LEF1: variants seen among roughly 807,000 people sequenced by gnomAD.
LEF1 encodes lymphoid enhancer-binding factor 1.
In LEF1, 14 loss-of-function variants were observed where a neutral mutation model predicts 51.2. That is an observed-to-expected ratio of 0.27 (90% CI 0.18 to 0.43). The LOEUF is 0.43. Ranked by LOEUF, LEF1 falls within the 20% of genes least tolerant of loss-of-function variation. LEF1 has a pLI of 1.00. For synonymous variants in LEF1, 185 were observed against 183.2 expected (o/e 1.01, Z -0.08); for missense variants, 386 against 512.0 (o/e 0.75, Z 2.37).
chr4:108,148,336 C>G (rs534339245), intron 3 of LEF1, among the ~76,000 whole-genome samples: 5 of 151,938 alleles, frequency 3.3e-5, no homozygotes, highest in African/African-American at 7.3e-5. Context: ...TCTACACAAC[C>G]CTTTTTAAAC....
intron 3 of LEF1, among the ~76,000 whole-genome samples, chr4:108,147,097 C>T (rs897717783): frequency 6.6e-6 from 1 of 152,038 alleles, no homozygotes; most frequent in Non-Finnish European, 1.5e-5. Flanking sequence ...CATTGCACTC[C>T]AGCCTGGGTT....
At chr4:108,135,069 A>C (rs1315205430) in intron 3 of LEF1, among the ~76,000 whole-genome samples, 2 of 152,216 alleles carry the variant, frequency 1.3e-5, no homozygotes, top group East Asian at 3.8e-4. Context: ...TATAGATTAC[A>C]ATAAAACATT....
At chr4:108,091,213 T>C (rs899710591) in intron 3 of LEF1, among the ~76,000 whole-genome samples, 2 of 152,122 alleles carry the variant, frequency 1.3e-5, no homozygotes, top group African/African-American at 2.4e-5. Context: ...TGTAAGTCCA[T>C]ATCTGAATGG....
Position 108,098,324 on chromosome 4 carries a change from G to A in LEF1, c.415-9067C>T, listed in dbSNP as rs192636712. Among the ~76,000 whole-genome samples the A allele has an allele frequency of 3.9e-4, 59 of 152,230 alleles. 3 individuals are homozygous for A. The East Asian group carries it at 0.011, about 28-fold the overall frequency. On this transcript the variant is annotated intron_variant, in intron 3 of 11. Transcript: ENST00000265165. ...AAATGGACTCTAGATCTCCTGTGGC[G>A]GGGTTGTGGGGGTGGGGTTCGGCAA... is the stretch of plus-strand genomic sequence containing the variant.
Position 108,088,706 on chromosome 4 carries a change from T to C in LEF1, c.547+419A>G, listed in dbSNP as rs553999416. Among the ~76,000 whole-genome samples the C allele has an allele frequency of 1.7e-3, 265 of 152,094 alleles. 1 individual carries two copies. Among genetic ancestry groups the C allele is most frequent in the African/African-American group, 5.7e-3 (236 of 41,500 alleles). Reference sequence around the variant, plus strand: ...GTAAATAACAAAAGATGAAACACCATAGGGATATAATGGAATAACCAAAAG... The same window carrying C: ...GTAAATAACAAAAGATGAAACACCACAGGGATATAATGGAATAACCAAAAG... On this transcript the variant is annotated intron_variant, in intron 4 of 11. Transcript: ENST00000265165.
chr4:108,149,458 C>CAAAAAAAAAAAAAAAAAAAAAAAAAAA (rs371482539), intron 3 of LEF1, among the ~76,000 whole-genome samples: 2 of 60,588 alleles, frequency 3.3e-5, no homozygotes, highest in African/African-American at 7.2e-5. Flanking sequence ...GACTCCGTCT[C>CAAAAAAAAAAAAAAAAAAAAAAAAAAA]AAAAAAAAAA....
In LEF1 at chr4:108,048,696, A is replaced by G; in HGVS notation, c.*62T>C. On this transcript the variant is annotated 3_prime_UTR_variant, in exon 12 of 12. Transcript: ENST00000265165. The stretch of plus-strand genomic sequence containing the variant: ...TTCAACAAGCTTCCATCTCCAGAAG[A>G]GGTCCTGGGGTCGCTGCCTTGGCTT... The G allele has an allele frequency of 6.2e-7, 1 of 1,608,720 alleles. No homozygotes were observed. The highest frequency in any genetic ancestry group is 1.1e-5 in the South Asian group (1 of 90,076).
intron 2 of LEF1, 129 bp downstream of exon 2, chr4:108,164,968 C>T (rs1161094408): frequency 1.4e-6 from 1 of 697,184 alleles, no homozygotes; most frequent in East Asian, 2.6e-5. Context: ...GTTTTCTTTA[C>T]CATTAAAATA....
intron 1 of LEF1, chr4:108,166,532 G>T: frequency 7.7e-7 from 1 of 1,297,158 alleles, no homozygotes; most frequent in Non-Finnish European, 9.8e-7. Flanking sequence ...GGAGTGTCGG[G>T]TATCAGGGTC....
chr4:108,163,639 T>G lies in LEF1; in HGVS notation c.343A>C (p.Ile115Leu), dbSNP rs754959962. The G allele has an allele frequency of 1.1e-4, 170 of 1,613,824 alleles. No homozygotes were observed. The highest frequency in any genetic ancestry group is 1.3e-4 in the Non-Finnish European group (158 of 1,179,844). ...GPSYSSYSGY[I>L]MMPNMNNDPY... ...TCGTTATTCATATTTGGCATCATTA[T>G]GTACCCGGAATAACTCGAGTAGGAG... Residue 115 changes from isoleucine (I) to leucine (L), a missense_variant, in exon 3 of 12, where the codon ATA becomes CTA. This residue lies in a region of LEF1 where 335 missense variants were observed against 390.7 expected (regional missense o/e 0.86). Coordinates refer to ENST00000265165, the MANE Select transcript of LEF1 (RefSeq NM_016269.5).
At chr4:108,125,202 C>T (rs2061531) in intron 3 of LEF1, among the ~76,000 whole-genome samples, 41,244 of 151,966 alleles carry the variant, frequency 0.27, 6,441 homozygotes, top group East Asian at 0.64. Flanking sequence ...CTTGCTCTAT[C>T]GCCCAGGCTG....
intron 3 of LEF1, among the ~76,000 whole-genome samples, chr4:108,146,181 G>T (rs558501097): frequency 6.6e-6 from 1 of 152,196 alleles, no homozygotes; most frequent in Non-Finnish European, 1.5e-5. Context: ...CTTTGTCCAC[G>T]TAGCGACCTT....
At chr4:108,101,316 G>A (rs186019842) in intron 3 of LEF1, among the ~76,000 whole-genome samples, 5 of 152,258 alleles carry the variant, frequency 3.3e-5, no homozygotes, top group East Asian at 3.9e-4. Flanking sequence ...GTATCAGAGC[G>A]CAGTTGTCCA....
intron 9 of LEF1, among the ~76,000 whole-genome samples, chr4:108,069,422 C>T (rs1370299184): frequency 2.0e-5 from 3 of 152,152 alleles, no homozygotes; most frequent in Non-Finnish European, 4.4e-5. Context: ...TCAAATTCTA[C>T]AGTAATAAAA....
intron 8 of LEF1, among the ~76,000 whole-genome samples, chr4:108,077,593 C>T (rs1738964602): frequency 1.1e-5 from 1 of 87,752 alleles, no homozygotes; most frequent in Non-Finnish European, 2.3e-5. Context: ...AAGTGAGGGG[C>T]GCCTCTGCCC....
intron 3 of LEF1, among the ~76,000 whole-genome samples, chr4:108,099,588 A>ATGTGTATATATATATATATATATATGTG (rs1413013273): frequency 1.7e-5 from 1 of 60,400 alleles, no homozygotes; most frequent in African/African-American, 4.0e-5. Context: ...ATATATATAT[A>ATGTGTATATATATATATATATATATGTG]TATATATATA....
intron 11 of LEF1, among the ~76,000 whole-genome samples, chr4:108,060,789 A>C (rs1737630879): frequency 6.6e-6 from 1 of 151,954 alleles, no homozygotes; most frequent in South Asian, 2.1e-4. Flanking sequence ...CATAACAAGC[A>C]CTGTGAGAAT....
intron 3 of LEF1, among the ~76,000 whole-genome samples, chr4:108,090,559 T>C (rs1233183042): frequency 6.6e-6 from 1 of 152,194 alleles, no homozygotes; most frequent in Admixed American, 6.5e-5. Flanking sequence ...ATCACTTATT[T>C]ATTTATTATT....
At chr4:108,064,422 T>C in intron 9 of LEF1, 38 bp from the exon 10 acceptor site, 1 of 1,483,886 alleles carries the variant, frequency 6.7e-7, no homozygotes, top group Non-Finnish European at 9.4e-7. Context: ...TCACAGATTG[T>C]ACCATGAACA....
Sources: allele counts gnomAD v4.1 joint callset (sites outside exome capture counted in the v4.1 genomes callset), GRCh38; gene constraint gnomAD v4.1.1; regional missense constraint gnomAD v4.1.1; transcripts MANE v1.5; gene names NCBI Gene and HGNC (gene_info 2026-07-23, HGNC 2026-07-21).